The following DPYD variants were observed in gnomAD, a reference collection of about 807,000 sequenced individuals.
DPYD encodes dihydropyrimidine dehydrogenase [NADP(+)].
In DPYD, 109 loss-of-function variants were observed where a neutral mutation model predicts 116.2. That is an observed-to-expected ratio of 0.94 (90% CI 0.80 to 1.10). The LOEUF (loss-of-function observed/expected upper bound fraction) is 1.10. Among genes scored for constraint, DPYD ranks in the 50% least tolerant of loss-of-function variants. The pLI is 0.00. For synonymous variants in DPYD, 440 were observed against 432.0 expected, an observed-to-expected ratio of 1.02 and a Z score of -0.23; for missense variants, 1,302 against 1,254.5, an observed-to-expected ratio of 1.04 and a Z score of -0.57.
intron 18 of DPYD, among the ~76,000 whole-genome samples, chr1:97,303,164 A>G (rs1178219606): frequency 6.6e-6 from 1 of 152,032 alleles, no homozygotes; most frequent in African/African-American, 2.4e-5. Flanking sequence ...ATAAACAGCT[A>G]AAGAATATAT....
chr1:97,429,224 T>A (rs1422653075), intron 14 of DPYD, among the ~76,000 whole-genome samples: 1 of 152,078 alleles, frequency 6.6e-6, no homozygotes, highest in Non-Finnish European at 1.5e-5. Flanking sequence ...TCATTTGTTT[T>A]ACTAAATAGG....
At chr1:97,678,438 T>A (rs1308908020) in intron 8 of DPYD, among the ~76,000 whole-genome samples, 7 of 152,150 alleles carry the variant, frequency 4.6e-5, no homozygotes, top group African/African-American at 1.7e-4. Context: ...ACAAATCATA[T>A]CAGAGAATGA....
chr1:97,660,420 T>TA (rs1031139528), intron 8 of DPYD, among the ~76,000 whole-genome samples: 2 of 152,170 alleles, frequency 1.3e-5, no homozygotes, highest in East Asian at 1.9e-4. Context: ...TTCCCTCTGT[T>TA]AAAATAAAAT....
chr1:97,375,445 C>T (rs756608225), intron 15 of DPYD, among the ~76,000 whole-genome samples: 10 of 152,154 alleles, frequency 6.6e-5, no homozygotes, highest in Non-Finnish European at 1.2e-4. Context: ...TTCTTCTGCA[C>T]ATTTGTTAAA....
chr1:97,871,521 C>A (rs1216647007), intron 2 of DPYD, among the ~76,000 whole-genome samples: 8 of 151,336 alleles, frequency 5.3e-5, no homozygotes, highest in African/African-American at 1.9e-4. Context: ...AAACCTCTAT[C>A]CTATGATAAA....
intron 13 of DPYD, among the ~76,000 whole-genome samples, chr1:97,481,190 C>T (rs1448218031): frequency 1.3e-5 from 2 of 151,940 alleles, no homozygotes; most frequent in Non-Finnish European, 2.9e-5. Context: ...GACGCTCAAC[C>T]TTACTAATAG....
intron 16 of DPYD, among the ~76,000 whole-genome samples, chr1:97,318,342 C>T (rs1183981209): frequency 2.6e-4 from 33 of 127,670 alleles, no homozygotes; most frequent in African/African-American, 7.8e-4. Flanking sequence ...ACCCATCTCA[C>T]ATGCAGAGAC....
At position 97,195,675 on chromosome 1, in the gene DPYD, T is replaced by C. The variant is rs1455935469; in HGVS notation, c.2443-2427A>G. ...ATATATATATATATATATATATATA[T>C]ATATATATATATATGCCTAGGAGTT... is the stretch of plus-strand genomic sequence containing the variant. On this transcript the variant is annotated intron_variant, in intron 19 of 22. Coordinates refer to ENST00000370192, the MANE Select transcript of DPYD (RefSeq NM_000110.4). Among the ~76,000 whole-genome samples, 22 of 72,852 alleles carry C rather than the reference T, an allele frequency of 3.0e-4. 1 individual carries two copies. The highest frequency in any genetic ancestry group is 8.7e-4 in the South Asian group (2 of 2,298). The allele number at this position is 72,852 out of a possible 152,430, so 47.8% of individuals were successfully genotyped here.
intron 3 of DPYD, among the ~76,000 whole-genome samples, chr1:97,819,045 C>T (rs913959820): frequency 2.0e-5 from 3 of 151,840 alleles, no homozygotes; most frequent in Non-Finnish European, 4.4e-5. Flanking sequence ...TAATCATGCA[C>T]TTTTGTCTTT....
chr1:97,699,440 A>T lies in DPYD; in HGVS notation c.591T>A (p.Pro197=), dbSNP rs758927521. 8 of 1,613,770 alleles carry T rather than the reference A, an allele frequency of 5.0e-6. No homozygotes were observed. The highest frequency in any genetic ancestry group is 5.9e-6 in the Non-Finnish European group (7 of 1,179,738). The change falls in exon 6 of 23, where the codon CCT becomes CCA. Residue 197 remains proline, a synonymous_variant. Transcript: ENST00000370192. ...AAAAGGAAGCACAACTTATACTTGCAGGCCCAGCACCAAAAAGAGCAATCT... is the reference window on the plus strand; with the variant it reads ...AAAAGGAAGCACAACTTATACTTGCTGGCCCAGCACCAAAAAGAGCAATCT... ...SAKIALFGAG[P]ASISCASFLA... is the part of the protein sequence containing the mutation.
intron 2 of DPYD, among the ~76,000 whole-genome samples, chr1:97,860,775 AATTAAAAAAATCAC>A (rs1425398127): frequency 6.6e-6 from 1 of 152,042 alleles, no homozygotes; most frequent in African/African-American, 2.4e-5. Flanking sequence ...CAACTCTAGT[AATTAAAAAAATCAC>A]ATTATATGAA....
intron 21 of DPYD, among the ~76,000 whole-genome samples, chr1:97,083,297 A>G (rs1013425447): frequency 1.3e-5 from 2 of 152,152 alleles, no homozygotes; most frequent in Non-Finnish European, 2.9e-5. Context: ...AACTATTAAC[A>G]TGAGAATCTT....
intron 1 of DPYD, among the ~76,000 whole-genome samples, chr1:97,901,437 A>T (rs1673363634): frequency 6.6e-6 from 1 of 151,896 alleles, no homozygotes; most frequent in African/African-American, 2.4e-5. Context: ...ACTTCCTGGT[A>T]CACATTGCTT....
intron 2 of DPYD, among the ~76,000 whole-genome samples, chr1:97,853,330 T>C (rs1162730654): frequency 6.6e-6 from 1 of 152,244 alleles, no homozygotes; most frequent in Non-Finnish European, 1.5e-5. Context: ...TTATGCACAG[T>C]CTTAAGCATA....
chr1:97,678,178 C>G (rs1336372528), intron 8 of DPYD, among the ~76,000 whole-genome samples: 5 of 152,126 alleles, frequency 3.3e-5, no homozygotes, highest in Non-Finnish European at 5.9e-5. Flanking sequence ...AAGGAGCATG[C>G]AACTTAGATC....
At chr1:97,475,773 C>A (rs1229953468) in intron 13 of DPYD, among the ~76,000 whole-genome samples, 3 of 152,126 alleles carry the variant, frequency 2.0e-5, no homozygotes, top group African/African-American at 7.2e-5. Context: ...GGTTTGCTGA[C>A]CCCTGCTCTA....
intron 8 of DPYD, among the ~76,000 whole-genome samples, chr1:97,629,651 A>G (rs1657134314): frequency 6.6e-6 from 1 of 152,066 alleles, no homozygotes; most frequent in Non-Finnish European, 1.5e-5. Context: ...CATTTCTGAT[A>G]ATCCTATTTA....
Position 97,367,013 on chromosome 1 carries a change from T to C in DPYD, c.2058+6548A>G, listed in dbSNP as rs938209368. Among the ~76,000 whole-genome samples, 4 of 152,254 alleles carry C rather than the reference T, an allele frequency of 2.6e-5. No individual in the cohort carries two copies. In the East Asian group the frequency reaches 7.8e-4, roughly 30 times the overall value. On this transcript the variant is annotated intron_variant, in intron 16 of 22. Coordinates refer to ENST00000370192, the MANE Select transcript of DPYD (RefSeq NM_000110.4). The stretch of plus-strand genomic sequence containing the variant: ...TCCTCCACAGACATCTATGGGGGTC[T>C]GATCCAAGCAGGGCTGTGGTCATTG...
At chr1:97,734,113 A>T (rs1027168743) in intron 4 of DPYD, among the ~76,000 whole-genome samples, 5 of 152,082 alleles carry the variant, frequency 3.3e-5, no homozygotes, top group African/African-American at 9.6e-5. Context: ...ATATATTTTT[A>T]AAATGCAGGT....
Sources: gnomAD v4.1 joint callset for allele counts (sites outside exome capture counted in the v4.1 genomes callset) on GRCh38, gnomAD v4.1.1 for gene constraint, MANE v1.5 for transcripts, NCBI Gene and HGNC (gene_info 2026-07-23, HGNC 2026-07-21) for gene names.